Variants in FIG4 observed in about 807,000 individuals in gnomAD.
FIG4 encodes the protein FIG4 phosphoinositide 5-phosphatase.
Under a neutral mutation model 118.6 loss-of-function variants are expected in FIG4, and 112 were observed. The observed-to-expected ratio is 0.94, with a 90% confidence interval of 0.81 to 1.11. The LOEUF is 1.11. Ranked by LOEUF, FIG4 falls within the 50% of genes least tolerant of loss-of-function variation. FIG4 has a pLI of 0.00. For synonymous variants in FIG4, 369 were observed against 381.2 expected (o/e 0.97, Z 0.37); for missense variants, 969 against 1,111.7 (o/e 0.87, Z 1.83).
intron 16 of FIG4, among the ~76,000 whole-genome samples, chr6:109,783,572 A>G (rs1777869701): frequency 6.6e-6 from 1 of 152,258 alleles, no homozygotes; most frequent in Non-Finnish European, 1.5e-5. Flanking sequence ...TCAGCTTGGC[A>G]CTTTCAACAC....
intron 22 of FIG4, among the ~76,000 whole-genome samples, chr6:109,822,787 GTATATATATATATATATATATATA>G (rs10523453): frequency 4.2e-4 from 51 of 120,432 alleles, no homozygotes; most frequent in African/African-American, 1.1e-3. Context: ...GTGTGTGTAT[GTATATATATATATATATATATATA>G]TATATATATA....
chr6:109,753,721 C>T (rs1308599445), intron 10 of FIG4, among the ~76,000 whole-genome samples: 1 of 151,980 alleles, frequency 6.6e-6, no homozygotes, highest in Non-Finnish European at 1.5e-5. Context: ...AATGGGAGTT[C>T]ACTCATGATT....
chr6:109,792,554 GTTC>G (rs754946427), intron 20 of FIG4, 25 bp from the exon 21 acceptor site: 18 of 1,389,156 alleles, frequency 1.3e-5, no homozygotes, highest in South Asian at 2.4e-5. Flanking sequence ...ATTCTTCCTG[GTTC>G]TTCTTTTTTT....
Position 109,727,143 on chromosome 6 carries a change from G to A in FIG4, c.324G>A (p.Val108=). ...GGTTCTTAGAAGGCTATTATATTGT[G>A]TTAATAACTAAAAGGAGGAAGATGG... ...FVRFLEGYYI[V]LITKRRKMAD... Residue 108 remains valine, a synonymous_variant, in exon 4 of 23, where the codon GTG becomes GTA. Coordinates refer to ENST00000230124, the MANE Select transcript of FIG4 (RefSeq NM_014845.6). 1 of 1,611,534 alleles carries A rather than the reference G, an allele frequency of 6.2e-7. No homozygotes were observed. Among genetic ancestry groups the A allele is most frequent in the Non-Finnish European group, 8.5e-7 (1 of 1,177,694 alleles).
chr6:109,808,007 C>T (rs910666820), intron 22 of FIG4, among the ~76,000 whole-genome samples: 1 of 152,060 alleles, frequency 6.6e-6, no homozygotes. Flanking sequence ...TTCTTTGGGA[C>T]TCAAACAGAA....
intron 22 of FIG4, among the ~76,000 whole-genome samples, chr6:109,824,042 A>T (rs893726574): frequency 4.6e-5 from 7 of 152,182 alleles, no homozygotes; most frequent in African/African-American, 1.7e-4. Flanking sequence ...TGGTTGACTC[A>T]TCCCTTGAAG....
chr6:109,793,403 A>C (rs561649821), intron 21 of FIG4, among the ~76,000 whole-genome samples: 2 of 152,202 alleles, frequency 1.3e-5, no homozygotes, highest in African/African-American at 4.8e-5. Flanking sequence ...AGGCAAATCT[A>C]GTTGAAAGGA....
intron 10 of FIG4, among the ~76,000 whole-genome samples, chr6:109,751,423 C>T (rs1264489307): frequency 6.6e-6 from 1 of 152,106 alleles, no homozygotes; most frequent in Non-Finnish European, 1.5e-5. Flanking sequence ...ATGATGCTGG[C>T]CTCATAAAAT....
intron 3 of FIG4, among the ~76,000 whole-genome samples, chr6:109,717,257 T>A (rs1775462514): frequency 6.6e-6 from 1 of 152,206 alleles, no homozygotes; most frequent in South Asian, 2.1e-4. Flanking sequence ...AACAGGACCC[T>A]TGGTCTACTT....
chr6:109,801,621 G>A (rs746017801), intron 22 of FIG4, among the ~76,000 whole-genome samples: 19 of 152,110 alleles, frequency 1.2e-4, no homozygotes, highest in Admixed American at 5.2e-4. Context: ...AGAATCTCTC[G>A]TAAAAAGTGG....
chr6:109,770,294 TA>T (rs112848239), intron 15 of FIG4, among the ~76,000 whole-genome samples: 2 of 151,704 alleles, frequency 1.3e-5, no homozygotes, highest in Non-Finnish European at 2.9e-5. Flanking sequence ...AATCCTATTA[TA>T]AAAAAAAGAT....
chr6:109,730,554 T>C (rs1266263833), intron 4 of FIG4, among the ~76,000 whole-genome samples: 1 of 152,112 alleles, frequency 6.6e-6, no homozygotes, highest in Non-Finnish European at 1.5e-5. Flanking sequence ...CTATAGTAAA[T>C]AAGACTGCTA....
At chr6:109,705,255 G>A (rs1775028673) in intron 1 of FIG4, among the ~76,000 whole-genome samples, 1 of 152,132 alleles carries the variant, frequency 6.6e-6, no homozygotes, top group Non-Finnish European at 1.5e-5. Flanking sequence ...CAATAGGAAG[G>A]AAATAAGAAC....
intron 2 of FIG4, among the ~76,000 whole-genome samples, chr6:109,716,225 AT>A (rs1057095256): frequency 6.6e-6 from 1 of 151,894 alleles, no homozygotes; most frequent in Non-Finnish European, 1.5e-5. Context: ...AGGTTTGGAC[AT>A]TTTTTTTAGT....
intron 1 of FIG4, among the ~76,000 whole-genome samples, chr6:109,697,128 G>A (rs539635703): frequency 6.6e-6 from 1 of 152,052 alleles, no homozygotes; most frequent in East Asian, 1.9e-4. Flanking sequence ...TGGGCATGGT[G>A]GTGGGCGCCT....
At chr6:109,788,489 A>G (rs1778047890) in intron 18 of FIG4, among the ~76,000 whole-genome samples, 1 of 152,256 alleles carries the variant, frequency 6.6e-6, no homozygotes, top group Admixed American at 6.5e-5. Context: ...TAAGAAGCGG[A>G]GTACCCCTTG....
chr6:109,817,848 T>C (rs1193158796), intron 22 of FIG4, among the ~76,000 whole-genome samples: 2 of 152,238 alleles, frequency 1.3e-5, no homozygotes, highest in African/African-American at 4.8e-5. Flanking sequence ...ACCTGTTAGC[T>C]TGGCTGTGTT....
rs372846619 is a variant in FIG4, at chr6:109,791,395, G to A, written c.2200G>A (p.Glu734Lys). 117 of 1,612,980 alleles carry A rather than the reference G, an allele frequency of 7.3e-5. No homozygotes were observed. The highest frequency in any genetic ancestry group is 9.2e-5 in the Non-Finnish European group (109 of 1,179,960). Residue 734 changes from glutamate to lysine, a missense_variant, in exon 20 of 23, where the codon GAA (glutamate) becomes AAA (lysine). By Grantham distance (56) the Glu-to-Lys change is moderately conservative. Around this residue, in one of 3 missense-constraint regions of FIG4, gnomAD observed 330 missense variants for 348.1 expected, o/e 0.95. Coordinates refer to ENST00000230124, the MANE Select transcript of FIG4 (RefSeq NM_014845.6). The stretch of plus-strand genomic sequence containing the variant: ...TAAAAGAAACAAAAGCAATAGAGAA[G>A]AAGCTGTATTACAGCGGAAAACGGC... ...SVLGNKSNRE[E>K]AVLQRKTAAS...
At chr6:109,815,617 C>T (rs554621246) in intron 22 of FIG4, among the ~76,000 whole-genome samples, 12 of 151,020 alleles carry the variant, frequency 7.9e-5, no homozygotes, top group South Asian at 2.1e-4. Flanking sequence ...CTAGGACTGG[C>T]CTGTGCAGTG....
Sources: gnomAD v4.1 joint callset for allele counts (sites outside exome capture counted in the v4.1 genomes callset) on GRCh38, gnomAD v4.1.1 for gene constraint, gnomAD v4.1.1 regional missense constraint, MANE v1.5 for transcripts, NCBI Gene and HGNC (gene_info 2026-07-23, HGNC 2026-07-21) for gene names.